The following YRDC variants were observed in gnomAD, a reference collection of about 807,000 sequenced individuals.
YRDC encodes yrdC N6-threonylcarbamoyltransferase domain containing, also known as threonylcarbamoyl-AMP synthase.
A neutral mutation model predicts 21.5 loss-of-function variants in YRDC; 17 were observed. The observed-to-expected ratio is 0.79, with a 90% CI of 0.54 to 1.19. YRDC has a LOEUF of 1.19. YRDC is among the 50% of genes most tolerant of loss of function. The pLI is 0.00. For missense variants in YRDC, 380 were observed against 397.1 expected, an observed-to-expected ratio of 0.96 and a Z score of 0.37; for synonymous variants, 193 against 176.7, an observed-to-expected ratio of 1.09 and a Z score of -0.73.
At position 37,804,336 on chromosome 1, in the gene YRDC, C is replaced by G; in HGVS notation, c.733G>C (p.Val245Leu). The G allele has an allele frequency of 6.2e-7, 1 of 1,614,138 alleles. No individual in the cohort carries two copies. Among genetic ancestry groups the G allele is most frequent in the Non-Finnish European group, 8.5e-7 (1 of 1,179,996 alleles). The change falls in exon 4 of 5, where the codon GTG becomes CTG. Residue 245 changes from valine to leucine, a missense_variant. By Grantham distance (32) the Val-to-Leu change is conservative. Transcript: ENST00000373044. The stretch of plus-strand genomic sequence containing the variant: ...CGAATGATGCCAAACTTTCCGGGCA[C>G]AGACAAATCAACCACAGTTGAGCCA... Reference protein sequence around the residue: ...RLGSTVVDLSVPGKFGIIRPG... With the variant: ...RLGSTVVDLSLPGKFGIIRPG...
chr1:37,808,184 C>T lies in YRDC; in HGVS notation c.-4G>A. 1 of 1,439,750 alleles carries T rather than the reference C, an allele frequency of 6.9e-7. No homozygotes were observed. The highest frequency in any genetic ancestry group is 9.1e-7 in the Non-Finnish European group (1 of 1,101,042). The allele number at this position is 1,439,750 out of a possible 1,614,324, so 89.2% of individuals were successfully genotyped here. A position where few individuals can be genotyped will look rare whatever the true frequency, so the allele number is the denominator to read the frequency against. On this transcript the variant is annotated 5_prime_UTR_variant, in exon 1 of 5. Coordinates refer to ENST00000373044, the MANE Select transcript of YRDC (RefSeq NM_024640.4). ...TGCACCGACGCGCCGGAGACATCCG[C>T]CCAGGCCCGCTTCCGGGAGGAAGTG...
At chr1:37,807,373 GGCTCCAGAGGC>G (rs1646746118) in intron 1 of YRDC, 158 bp from the exon 2 acceptor site, 2 of 715,170 alleles carry the variant, frequency 2.8e-6, no homozygotes, top group African/African-American at 3.6e-5. Context: ...CAGAAAGCAG[GGCTCCAGAGGC>G]GCACCCCTGG....
rs1557577722 is a variant in YRDC at position 37,803,989 on chromosome 1, T to C, written c.776A>G (p.Glu259Gly). 1.9e-6 allele frequency: 3 copies of C among 1,614,060 alleles called. No homozygotes were observed. Among genetic ancestry groups the C allele is most frequent in the African/African-American group, 1.3e-5 (1 of 74,908 alleles). Residue 259 changes from glutamate (E) to glycine (G), a missense_variant, in exon 5 of 5, where the codon GAA (glutamate) becomes GGA (glycine). Coordinates refer to ENST00000373044, the MANE Select transcript of YRDC (RefSeq NM_024640.4). The part of the protein sequence containing the change: ...FGIIRPGCAL[E>G]STTAILQQKY... Reference sequence around the variant, plus strand: ...CTGTTGGAGGATGGCTGTAGTACTTTCCAGGGCACTGAGGAGGAAACAGGA... The same window carrying C: ...CTGTTGGAGGATGGCTGTAGTACTTCCCAGGGCACTGAGGAGGAAACAGGA...
At chr1:37,807,026 G>A (rs763317630) in intron 2 of YRDC, 50 bp from the exon 3 acceptor site, 5 of 1,613,848 alleles carry the variant, frequency 3.1e-6, no homozygotes, top group East Asian at 4.5e-5. Context: ...AGGGATAAGA[G>A]GGTAAGTCTT....
Position 37,808,141 on chromosome 1 carries a change from C to T in YRDC, c.40G>A (p.Val14Met), listed in dbSNP as rs1646755078. 1.4e-6 allele frequency: 2 copies of T among 1,472,344 alleles called. No homozygotes were observed. The highest frequency in any genetic ancestry group is 1.8e-6 in the Non-Finnish European group (2 of 1,118,918). The allele number at this position is 1,472,344 out of a possible 1,614,324, so 91.2% of individuals were successfully genotyped here. ...ARRCRGMRAA[V>M]AASVGLSEGP... ...TCGCTCAACCCCACGCTGGCAGCCA[C>T]CGCGGCCCTCATCCCCCTGCACCGA... The change falls in exon 1 of 5, where the codon GTG becomes ATG. Residue 14 changes from valine to methionine, a missense_variant. By Grantham distance (21) the Val-to-Met change is conservative. Transcript: ENST00000373044.
Position 37,803,207 on chromosome 1 carries a change from G to A in YRDC, c.*718C>T, listed in dbSNP as rs181554343. The A allele has an allele frequency of 8.5e-5, 13 of 152,254 alleles. No homozygotes were observed. Among genetic ancestry groups the A allele is most frequent in the African/African-American group, 2.9e-4 (12 of 41,522 alleles). 9.4% of individuals were successfully genotyped at this position (152,254 alleles called of 1,614,324 possible). On this transcript the variant is annotated 3_prime_UTR_variant, in exon 5 of 5. Coordinates refer to ENST00000373044, the MANE Select transcript of YRDC (RefSeq NM_024640.4). ...TTTGGACTGAACCCCTGCCAACTAA[G>A]CAGACATCCCACTATTACACCAAAA...
At chr1:37,807,000 CAT>C (rs1646742343) in intron 2 of YRDC, 24 bp from the exon 3 acceptor site, 1 of 1,614,004 alleles carries the variant, frequency 6.2e-7, no homozygotes, top group Non-Finnish European at 8.5e-7. Flanking sequence ...GGAAAGGGAT[CAT>C]GAGAAAGGTT....
At chr1:37,807,434 G>A (rs1248281941) in intron 1 of YRDC, 1 of 604,250 alleles carries the variant, frequency 1.7e-6, no homozygotes, top group African/African-American at 1.9e-5. Flanking sequence ...GACTACAACA[G>A]CTGCACCGCT....
Position 37,808,199 on chromosome 1 carries a change from G to C in YRDC, c.-19C>G. 7.0e-7 allele frequency: 1 copy of C among 1,423,196 alleles called. No homozygotes were observed. Among genetic ancestry groups the C allele is most frequent in the Non-Finnish European group, 9.1e-7 (1 of 1,093,556 alleles). 88.2% of individuals were successfully genotyped at this position (1,423,196 alleles called of 1,614,324 possible). The stretch of plus-strand genomic sequence containing the variant: ...GAGACATCCGCCCAGGCCCGCTTCC[G>C]GGAGGAAGTGACGCTCCCAGCCAGC... On this transcript the variant is annotated 5_prime_UTR_variant, in exon 1 of 5. Coordinates refer to ENST00000373044, the MANE Select transcript of YRDC (RefSeq NM_024640.4).
intron 3 of YRDC, among the ~76,000 whole-genome samples, chr1:37,806,609 C>T (rs942928357): frequency 6.6e-6 from 1 of 152,194 alleles, no homozygotes; most frequent in Non-Finnish European, 1.5e-5. Context: ...TATAATCTTT[C>T]CTATTATTAT....
chr1:37,807,100 C>A lies in YRDC; in HGVS notation c.504+1G>T. 1 of 1,614,170 alleles carries A rather than the reference C, an allele frequency of 6.2e-7. No homozygotes were observed. Among genetic ancestry groups the A allele is most frequent in the Non-Finnish European group, 8.5e-7 (1 of 1,180,018 alleles). On this transcript the variant is annotated splice_donor_variant, in intron 2 of 4. Transcript: ENST00000373044. LOFTEE classifies it high-confidence loss of function. ...GGGACACAAGAGAAAACTTGACTCA[C>A]AGGCGTAAAAGGGTTTAGGTCCTTG...
chr1:37,807,678 T>C (rs1646749393), intron 1 of YRDC, 114 bp downstream of exon 1: 1 of 1,338,716 alleles, frequency 7.5e-7, no homozygotes, highest in Non-Finnish European at 9.6e-7. Flanking sequence ...TCCGGATTCC[T>C]TGGTGAGCCT....
chr1:37,803,294 G>T lies in YRDC; in HGVS notation c.*631C>A, dbSNP rs1320153041. 1 of 152,602 alleles carries T rather than the reference G, an allele frequency of 6.6e-6. No homozygotes were observed. The highest frequency in any genetic ancestry group is 2.1e-4 in the South Asian group (1 of 4,846). 9.5% of individuals were successfully genotyped at this position (152,602 alleles called of 1,614,324 possible). A position where few individuals can be genotyped will look rare whatever the true frequency, so the allele number is the denominator to read the frequency against. On this transcript the variant is annotated 3_prime_UTR_variant, in exon 5 of 5. Transcript: ENST00000373044. Reference sequence around the variant, plus strand: ...ACCACTAGGCCCAATGGCTCAGAGGGAAGAGTGGCCTGTGGCTCTTCAATC... The same window carrying T: ...ACCACTAGGCCCAATGGCTCAGAGGTAAGAGTGGCCTGTGGCTCTTCAATC...
In YRDC at chr1:37,807,713, G is replaced by A. The variant is rs1646749747; in HGVS notation, c.389+79C>T. The A allele has an allele frequency of 4.4e-6, 6 of 1,374,656 alleles. No homozygotes were observed. The South Asian group carries it at 7.8e-5, about 18-fold the overall frequency. The allele number at this position is 1,374,656 out of a possible 1,614,324, so 85.2% of individuals were successfully genotyped here. On this transcript the variant is annotated intron_variant, in intron 1 of 4. Coordinates refer to ENST00000373044, the MANE Select transcript of YRDC (RefSeq NM_024640.4). ...TGGACAAGCCCCTCCCGCTCTCTGC[G>A]CCTCAGTCTCCCAAGCCTGTCACCG...
rs1646719311 is a variant in YRDC, at chr1:37,804,098, G to A, written c.768-101C>T. On this transcript the variant is annotated intron_variant, in intron 4 of 4. Transcript: ENST00000373044. ...CATCGAAACTGGCTAGCCTTGTTAA[G>A]CCCTGTTCATCAACCCTTGATGAAA... 6.0e-6 allele frequency: 9 copies of A among 1,505,348 alleles called. No individual in the cohort carries two copies. In the Admixed American group the frequency reaches 1.3e-4, roughly 21 times the overall value. The allele number at this position is 1,505,348 out of a possible 1,614,324, so 93.2% of individuals were successfully genotyped here.
intron 3 of YRDC, 128 bp downstream of exon 3, chr1:37,806,729 C>A: frequency 6.9e-7 from 1 of 1,441,826 alleles, no homozygotes; most frequent in Non-Finnish European, 9.4e-7. Context: ...GCCAGCTGGG[C>A]AACCTTCCCA....
At chr1:37,805,735 C>G (rs1646729744) in intron 3 of YRDC, among the ~76,000 whole-genome samples, 1 of 152,188 alleles carries the variant, frequency 6.6e-6, no homozygotes, top group South Asian at 2.1e-4. Flanking sequence ...TTCTAAGAAC[C>G]CTGAGCCCCA....
At chr1:37,806,162 T>C (rs1055128732) in intron 3 of YRDC, among the ~76,000 whole-genome samples, 1 of 151,692 alleles carries the variant, frequency 6.6e-6, no homozygotes, top group Non-Finnish European at 1.5e-5. Context: ...CTGTGTGACC[T>C]GGAACAAGTG....
intron 2 of YRDC, 31 bp from the exon 3 acceptor site, chr1:37,807,007 A>C: frequency 6.2e-7 from 1 of 1,614,196 alleles, no homozygotes; most frequent in African/African-American, 1.3e-5. Context: ...GATCATGAGA[A>C]AGGTTGGAAG....
Sources: gnomAD v4.1 joint callset for allele counts (sites outside exome capture counted in the v4.1 genomes callset) on GRCh38, gnomAD v4.1.1 for gene constraint, MANE v1.5 for transcripts, NCBI Gene and HGNC (gene_info 2026-07-23, HGNC 2026-07-21) for gene names.